The following ZNF680 variants were observed in gnomAD, a reference collection of about 807,000 sequenced individuals.
ZNF680 encodes hypothetical protein FLJ90430.
In ZNF680, 6 loss-of-function variants were observed where a neutral mutation model predicts 12.1. The observed-to-expected ratio is 0.49, with a 90% CI of 0.27 to 0.98. The LOEUF is 0.98. Ranked by LOEUF, ZNF680 falls within the 50% of genes least tolerant of loss-of-function variation. The pLI is 0.12. For missense variants in ZNF680, 561 were observed against 616.3 expected (o/e 0.91, Z 0.95); for synonymous variants, 170 against 199.3 (o/e 0.85, Z 1.24).
At chr7:64,512,107 T>C in the ZNF680 span, among the ~76,000 whole-genome samples, 30 of 150,622 alleles carry the variant, frequency 2.0e-4, no homozygotes, top group African/African-American at 6.8e-4. Flanking sequence ...GCCATAAATA[T>C]ATTTTAAAAG....
rs753807218 is a variant in ZNF680 at position 64,521,875 on chromosome 7, A to C, written c.879T>G (p.Pro293=). ...CTTTGTGACATTCATCACATTTGTAAGGTTTGTCTCCAGTATGAATTATCT... is the reference window on the plus strand; with the variant it reads ...CTTTGTGACATTCATCACATTTGTACGGTTTGTCTCCAGTATGAATTATCT... ...KHKIIHTGDK[P]YKCDECHKAF... Residue 293 remains proline (P), a synonymous_variant, in exon 4 of 4, where the codon CCT becomes CCG. Transcript: ENST00000309683. 6.2e-7 allele frequency: 1 copy of C among 1,612,470 alleles called. No homozygotes were observed. The highest frequency in any genetic ancestry group is 1.1e-5 in the South Asian group (1 of 90,990).
At chr7:64,517,913 C>G (rs1291913919), downstream of ZNF680, among the ~76,000 whole-genome samples, 2 of 151,962 alleles carry the variant, frequency 1.3e-5, no homozygotes, top group African/African-American at 4.8e-5. Flanking sequence ...TCAGCAAAAT[C>G]TGCATACAAA....
At chr7:64,556,259 T>TA (rs58056053) in intron 1 of ZNF680, among the ~76,000 whole-genome samples, 9,639 of 88,440 alleles carry the variant, frequency 0.11, 499 homozygotes, top group Admixed American at 0.14. Flanking sequence ...TTCACGGAAC[T>TA]AAAAAAAAAA....
chr7:64,551,014 T>C (rs573911222), intron 1 of ZNF680, among the ~76,000 whole-genome samples: 3 of 152,320 alleles, frequency 2.0e-5, no homozygotes, highest in African/African-American at 7.2e-5. Context: ...TTGACATGCA[T>C]CAAGGTCAAT....
chr7:64,562,170 T>G (rs1029330368), intron 1 of ZNF680, among the ~76,000 whole-genome samples: 1 of 149,206 alleles, frequency 6.7e-6, no homozygotes, highest in African/African-American at 2.5e-5. Flanking sequence ...AGGCAGAGGT[T>G]GTAGTGAGCC....
Position 64,521,586 on chromosome 7 carries a change from A to G in ZNF680, c.1168T>C (p.Ser390Pro). 2 of 1,612,334 alleles carry G rather than the reference A, an allele frequency of 1.2e-6. No homozygotes were observed. The change falls in exon 4 of 4, where the codon TCC becomes CCC. Residue 390 changes from serine to proline, a missense_variant. By Grantham distance (74) the Ser-to-Pro change is moderately conservative. Coordinates refer to ENST00000309683, the MANE Select transcript of ZNF680 (RefSeq NM_178558.5). ...CTCATATGTTCAGTAAGGTTTGAGG[A>G]CTGTATAAAAGCTTTGCCGCATTCT... ...CEECGKAFIQ[S>P]SNLTEHMRIH... is the part of the protein sequence containing the mutation.
chr7:64,555,313 G>C (rs1055455444), intron 1 of ZNF680, among the ~76,000 whole-genome samples: 2 of 149,732 alleles, frequency 1.3e-5, no homozygotes, highest in East Asian at 2.0e-4. Flanking sequence ...CACACACACA[G>C]AGCACAGCTT....
At chr7:64,530,917 C>A (rs1785839827) in intron 3 of ZNF680, among the ~76,000 whole-genome samples, 1 of 150,334 alleles carries the variant, frequency 6.7e-6, no homozygotes, top group Non-Finnish European at 1.5e-5. Flanking sequence ...TAATAAAAGG[C>A]CTTGTCCAAC....
chr7:64,535,764 T>A (rs1199574373), intron 3 of ZNF680, among the ~76,000 whole-genome samples: 1 of 151,874 alleles, frequency 6.6e-6, no homozygotes, highest in Non-Finnish European at 1.5e-5. Flanking sequence ...GACAAAATGA[T>A]GAAACCCCAT....
At chr7:64,548,951 T>C (rs1287491700) in intron 1 of ZNF680, among the ~76,000 whole-genome samples, 2 of 151,972 alleles carry the variant, frequency 1.3e-5, no homozygotes, top group African/African-American at 4.8e-5. Flanking sequence ...TGAAACCCCG[T>C]CTCTACTAAA....
At chr7:64,543,884 G>T in intron 2 of ZNF680, 82 bp from the exon 3 acceptor site, 1 of 1,144,156 alleles carries the variant, frequency 8.7e-7, no homozygotes, top group Non-Finnish European at 1.3e-6. Context: ...TAAAGAGAAT[G>T]TCATAGCATA....
the ZNF680 span, among the ~76,000 whole-genome samples, chr7:64,504,479 G>A: frequency 6.6e-6 from 1 of 152,026 alleles, no homozygotes; most frequent in Non-Finnish European, 1.5e-5. Context: ...ACGTTTAACT[G>A]TTTCTGATTT....
chr7:64,521,574 T>C lies in ZNF680; in HGVS notation c.1180A>G (p.Thr394Ala), dbSNP rs780750780. ...CCAGTATGAATTCTCATATGTTCAG[T>C]AAGGTTTGAGGACTGTATAAAAGCT... ...GKAFIQSSNL[T>A]EHMRIHTGEK... Residue 394 changes from threonine to alanine, a missense_variant, in exon 4 of 4, where the codon ACT (threonine) becomes GCT (alanine). Thr to Ala is a moderately conservative substitution (Grantham distance 58, BLOSUM62 0). Coordinates refer to ENST00000309683, the MANE Select transcript of ZNF680 (RefSeq NM_178558.5). 4 of 1,612,734 alleles carry C rather than the reference T, an allele frequency of 2.5e-6. No individual in the cohort carries two copies. The highest frequency in any genetic ancestry group is 3.4e-6 in the Non-Finnish European group (4 of 1,179,708).
chr7:64,528,416 G>A (rs1240679448), intron 3 of ZNF680, among the ~76,000 whole-genome samples: 1 of 152,176 alleles, frequency 6.6e-6, no homozygotes, highest in East Asian at 1.9e-4. Context: ...CTAGGAGGTG[G>A]GTAGCCTGGG....
intron 3 of ZNF680, chr7:64,526,018 C>T: frequency 3.0e-6 from 3 of 983,824 alleles, no homozygotes; most frequent in Non-Finnish European, 3.6e-6. Context: ...TACTGGCATA[C>T]TCAATTATAA....
At chr7:64,535,511 T>C (rs929703610) in intron 3 of ZNF680, among the ~76,000 whole-genome samples, 1 of 151,896 alleles carries the variant, frequency 6.6e-6, no homozygotes, top group African/African-American at 2.4e-5. Context: ...AAGCATACAA[T>C]ATGTTCTCTA....
chr7:64,531,412 G>A (rs1029526551), intron 3 of ZNF680, among the ~76,000 whole-genome samples: 7 of 151,940 alleles, frequency 4.6e-5, no homozygotes, highest in Non-Finnish European at 1.0e-4. Context: ...TGGCTAACAT[G>A]GGGAAACCCC....
At position 64,522,450 on chromosome 7, in the gene ZNF680, C is replaced by G. The variant is rs753118626; in HGVS notation, c.304G>C (p.Asp102His). 6.3e-7 allele frequency: 1 copy of G among 1,595,012 alleles called. No individual in the cohort carries two copies. The highest frequency in any genetic ancestry group is 8.5e-7 in the Non-Finnish European group (1 of 1,172,120). Residue 102 changes from aspartate to histidine, a missense_variant, in exon 4 of 4, where the codon GAT becomes CAT. Physicochemically the swap from Asp to His is moderately conservative, Grantham distance 81. Coordinates refer to ENST00000309683, the MANE Select transcript of ZNF680 (RefSeq NM_178558.5). ...CTCAGTATCACTTTTTGAAAAGAAT[C>G]TTTTATGCTATGCTCTGGCCAAAGG... ...EDLWPEHSIKDSFQKVILRGY... is the reference protein window; with the variant it reads ...EDLWPEHSIKHSFQKVILRGY...
chr7:64,517,183 A>G (rs1042626884), downstream of ZNF680, among the ~76,000 whole-genome samples: 1 of 152,092 alleles, frequency 6.6e-6, no homozygotes, highest in Non-Finnish European at 1.5e-5. Flanking sequence ...TAAAGGATAA[A>G]TAACATTGAT....
Sources: gnomAD v4.1 joint callset for allele counts (sites outside exome capture counted in the v4.1 genomes callset) on GRCh38, gnomAD v4.1.1 for gene constraint, MANE v1.5 for transcripts, NCBI Gene and HGNC (gene_info 2026-07-23, HGNC 2026-07-21) for gene names.